The following HBG2 variants were observed in gnomAD, a reference collection of about 807,000 sequenced individuals.
HBG2 encodes hemoglobin subunit gamma-2.
For synonymous variants in HBG2, 25 were observed against 63.2 expected (o/e 0.40, Z 2.87); for missense variants, 59 against 155.7 (o/e 0.38, Z 3.31).
In HBG2 at chr11:5,254,347, G is replaced by A. The variant is rs544071388; in HGVS notation, c.260C>T (p.Ala87Val). 1.4e-5 allele frequency: 23 copies of A among 1,614,294 alleles called. No homozygotes were observed. In the South Asian group the frequency reaches 2.4e-4, roughly 17 times the overall value. Reference sequence around the variant, plus strand: ...GTCACAGTGCAGTTCACTCAGCTGGGCAAAGGTGCCCTTGAGATCATCCAG... The same window carrying A: ...GTCACAGTGCAGTTCACTCAGCTGGACAAAGGTGCCCTTGAGATCATCCAG... ...KHLDDLKGTF[A>V]QLSELHCDKL... The change falls in exon 2 of 3, where the codon GCC becomes GTC. Residue 87 changes from alanine (A) to valine (V), a missense_variant. Transcript: ENST00000336906.
intron 2 of HBG2, 51 bp downstream of exon 2, chr11:5,254,241 A>G: frequency 2.5e-6 from 4 of 1,612,124 alleles, no homozygotes; most frequent in South Asian, 1.1e-5. Context: ...TCAGTTGTCT[A>G]AGTTGCCTCG....
intron 2 of HBG2, 66 bp downstream of exon 2, chr11:5,254,226 A>T: frequency 6.2e-7 from 1 of 1,608,042 alleles, no homozygotes; most frequent in East Asian, 2.2e-5. Context: ...TGCTCAGATC[A>T]ATACTCAGTT....
rs34264694 is a variant in HBG2, at chr11:5,254,408, T to G, written c.199A>C (p.Lys67Gln). The G allele has an allele frequency of 3.1e-6, 5 of 1,614,310 alleles. No individual in the cohort carries two copies. The Admixed American group carries it at 8.3e-5, about 27-fold the overall frequency. Residue 67 changes from lysine to glutamine, a missense_variant, in exon 2 of 3, where the codon AAG becomes CAG. Lys to Gln is a moderately conservative substitution (Grantham distance 53, BLOSUM62 1). Coordinates refer to ENST00000336906, the MANE Select transcript of HBG2 (RefSeq NM_000184.3). ...GNPKVKAHGK[K>Q]VLTSLGDAIK... ...GCATCTCCCAAGGAAGTCAGCACCTTCTTGCCATGTGCCTTGACTTTGGGG... is the reference window on the plus strand; with the variant it reads ...GCATCTCCCAAGGAAGTCAGCACCTGCTTGCCATGTGCCTTGACTTTGGGG...
Position 5,253,394 on chromosome 11 carries a change from A to G in HBG2, c.327T>C (p.Asn109=), listed in dbSNP as rs281860625. The G allele has an allele frequency of 5.0e-6, 8 of 1,612,978 alleles. No individual in the cohort carries two copies. The highest frequency in any genetic ancestry group is 2.2e-5 in the East Asian group (1 of 44,804). ...GGATTGCCAAAACGGTCACCAGCAC[A>G]TTTCCCAGGAGCTGTTGAGATGAAA... ...VDPENFKLLG[N]VLVTVLAIHF... is the part of the protein sequence containing the mutation. Residue 109 remains asparagine, a synonymous_variant, in exon 3 of 3, where the codon AAT becomes AAC. Coordinates refer to ENST00000336906, the MANE Select transcript of HBG2 (RefSeq NM_000184.3).
intron 2 of HBG2, among the ~76,000 whole-genome samples, chr11:5,253,698 G>GCACACACACAAACACA (rs1847980923): frequency 7.4e-6 from 1 of 134,460 alleles, no homozygotes; most frequent in East Asian, 2.2e-4. Context: ...ACACACGCGC[G>GCACACACACAAACACA]CACACACACA....
At chr11:5,253,720 A>G (rs1348205238) in intron 2 of HBG2, among the ~76,000 whole-genome samples, 4 of 149,622 alleles carry the variant, frequency 2.7e-5, no homozygotes, top group African/African-American at 7.6e-5. Flanking sequence ...ACACACACAC[A>G]GAGCTGACTT....
In HBG2 at chr11:5,253,250, G is replaced by A; in HGVS notation, c.*27C>T. 6.2e-7 allele frequency: 1 copy of A among 1,613,804 alleles called. No individual in the cohort carries two copies. The highest frequency in any genetic ancestry group is 8.5e-7 in the Non-Finnish European group (1 of 1,179,748). Reference sequence around the variant, plus strand: ...TGCTTGCAGAATAAAGCCTATCCTTGAAAGCTCTGCATCATGGGCAGTGAG... The same window carrying A: ...TGCTTGCAGAATAAAGCCTATCCTTAAAAGCTCTGCATCATGGGCAGTGAG... On this transcript the variant is annotated 3_prime_UTR_variant, in exon 3 of 3. Transcript: ENST00000336906.
Position 5,253,361 on chromosome 11 carries a change from G to T in HBG2, c.360C>A (p.Gly120=). 1 of 1,613,688 alleles carries T rather than the reference G, an allele frequency of 6.2e-7. No homozygotes were observed. The highest frequency in any genetic ancestry group is 8.5e-7 in the Non-Finnish European group (1 of 1,179,750). Residue 120 remains glycine, a synonymous_variant, in exon 3 of 3, where the codon GGC becomes GGA. Transcript: ENST00000336906. ...VLVTVLAIHF[G]KEFTPEVQAS... ...CCTGCACCTCAGGGGTGAATTCTTT[G>T]CCGAAATGGATTGCCAAAACGGTCA...
intron 2 of HBG2, among the ~76,000 whole-genome samples, chr11:5,253,746 GC>G (rs1847982392): frequency 7.3e-6 from 1 of 137,310 alleles, no homozygotes; most frequent in African/African-American, 2.6e-5. Context: ...ATCTACTCCA[GC>G]CCAAATGTTT....
At position 5,253,207 on chromosome 11, in the gene HBG2, A is replaced by G. The variant is rs762922953; in HGVS notation, c.*70T>C. The G allele has an allele frequency of 6.3e-7, 1 of 1,591,088 alleles. No homozygotes were observed. The highest frequency in any genetic ancestry group is 1.7e-5 in the Admixed American group (1 of 59,116). On this transcript the variant is annotated 3_prime_UTR_variant, in exon 3 of 3. Coordinates refer to ENST00000336906, the MANE Select transcript of HBG2 (RefSeq NM_000184.3). ...CAACCATGTGTGATCTCTTAGCAGAATAGATTTATTATTTGATTGCTTGCA... is the reference window on the plus strand; with the variant it reads ...CAACCATGTGTGATCTCTTAGCAGAGTAGATTTATTATTTGATTGCTTGCA...
Position 5,253,698 on chromosome 11 carries a change from G to GCGCACACACACACACACA in HBG2, c.316-294_316-293insTGTGTGTGTGTGTGTGCG, listed in dbSNP as rs141297974. Among the ~76,000 whole-genome samples the GCGCACACACACACACACA allele has an allele frequency of 5.7e-3, 773 of 134,486 alleles. 4 individuals are homozygous for GCGCACACACACACACACA. The highest frequency in any genetic ancestry group is 0.013 in the Admixed American group (180 of 13,628). The allele number at this position is 134,486 out of a possible 152,430, so 88.2% of individuals were successfully genotyped here. A position where few individuals can be genotyped will look rare whatever the true frequency, so the allele number is the denominator to read the frequency against. ...CTCACACACACACAAACACACGCGCGCACACACACACACACACACACAGAG... is the reference window on the plus strand; with the variant it reads ...CTCACACACACACAAACACACGCGCGCGCACACACACACACACACACACACACACACACACACACAGAG... On this transcript the variant is annotated intron_variant, in intron 2 of 2. Coordinates refer to ENST00000336906, the MANE Select transcript of HBG2 (RefSeq NM_000184.3).
intron 2 of HBG2, 82 bp downstream of exon 2, chr11:5,254,210 C>T: frequency 6.3e-7 from 1 of 1,584,994 alleles, no homozygotes. Context: ...AGCTCACACC[C>T]TGCTGTGCTC....
In HBG2 at chr11:5,253,245, TC is replaced by T. The variant is rs1409941293; in HGVS notation, c.*31del. The T allele has an allele frequency of 6.2e-7, 1 of 1,613,568 alleles. No individual in the cohort carries two copies. The highest frequency in any genetic ancestry group is 8.5e-7 in the Non-Finnish European group (1 of 1,179,638). On this transcript the variant is annotated 3_prime_UTR_variant, in exon 3 of 3. Coordinates refer to ENST00000336906, the MANE Select transcript of HBG2 (RefSeq NM_000184.3). ...TTGATTGCTTGCAGAATAAAGCCTA[TC>T]CTTGAAAGCTCTGCATCATGGGCAG...
At position 5,254,348 on chromosome 11, in the gene HBG2, C is replaced by T. The variant is rs781082967; in HGVS notation, c.259G>A (p.Ala87Thr). The change falls in exon 2 of 3, where the codon GCC (alanine) becomes ACC (threonine). Residue 87 changes from alanine (A) to threonine (T), a missense_variant. By Grantham distance (58) the Ala-to-Thr change is moderately conservative (BLOSUM62 0). Transcript: ENST00000336906. ...KHLDDLKGTFAQLSELHCDKL... is the reference protein window; with the variant it reads ...KHLDDLKGTFTQLSELHCDKL... ...TCACAGTGCAGTTCACTCAGCTGGG[C>T]AAAGGTGCCCTTGAGATCATCCAGG... is the stretch of plus-strand genomic sequence containing the variant. 6.2e-7 allele frequency: 1 copy of T among 1,614,308 alleles called. No individual in the cohort carries two copies. The highest frequency in any genetic ancestry group is 1.1e-5 in the South Asian group (1 of 91,088).
intron 2 of HBG2, 56 bp from the exon 3 acceptor site, chr11:5,253,461 G>A: frequency 1.4e-6 from 2 of 1,465,614 alleles, no homozygotes; most frequent in South Asian, 2.3e-5. Context: ...GAGAGCTCCA[G>A]CCTGGCCTCC....
rs767672366 is a variant in HBG2, at chr11:5,253,236, T to C, written c.*41A>G. On this transcript the variant is annotated 3_prime_UTR_variant, in exon 3 of 3. Transcript: ENST00000336906. ...ATTTATTATTTGATTGCTTGCAGAA[T>C]AAAGCCTATCCTTGAAAGCTCTGCA... is the stretch of plus-strand genomic sequence containing the variant. 3.7e-6 allele frequency: 6 copies of C among 1,613,098 alleles called. No individual in the cohort carries two copies. Among genetic ancestry groups the C allele is most frequent in the South Asian group, 3.3e-5 (3 of 91,062 alleles).
chr11:5,253,787 G>A (rs1274658083), intron 2 of HBG2, among the ~76,000 whole-genome samples: 1 of 150,846 alleles, frequency 6.6e-6, no homozygotes, highest in Non-Finnish European at 1.5e-5. Context: ...GACATACTTT[G>A]CCCCCATCTG....
chr11:5,254,286 A>T lies in HBG2; in HGVS notation c.315+6T>A, dbSNP rs1350868916. The T allele has an allele frequency of 1.9e-6, 3 of 1,614,088 alleles. No individual in the cohort carries two copies. The highest frequency in any genetic ancestry group is 2.7e-5 in the African/African-American group (2 of 74,948). On this transcript the variant is annotated splice_donor_region_variant and intron_variant, in intron 2 of 2. Coordinates refer to ENST00000336906, the MANE Select transcript of HBG2 (RefSeq NM_000184.3). ...GCAACAGTGCTGAAACATCTCCTGGACTCACCTTGAAGTTCTCAGGATCCA... is the reference window on the plus strand; with the variant it reads ...GCAACAGTGCTGAAACATCTCCTGGTCTCACCTTGAAGTTCTCAGGATCCA...
At chr11:5,253,450 T>C (rs1349438809) in intron 2 of HBG2, 45 bp from the exon 3 acceptor site, 1 of 1,560,506 alleles carries the variant, frequency 6.4e-7, no homozygotes, top group Non-Finnish European at 8.8e-7. Flanking sequence ...CATAGTGAGC[T>C]GAGAGCTCCA....
Sources: gnomAD v4.1 joint callset for allele counts (sites outside exome capture counted in the v4.1 genomes callset) on GRCh38, gnomAD v4.1.1 for gene constraint, MANE v1.5 for transcripts, NCBI Gene and HGNC (gene_info 2026-07-23, HGNC 2026-07-21) for gene names.